The following NCOA1 variants were observed in gnomAD, a reference collection of about 807,000 sequenced individuals.
NCOA1 encodes the protein nuclear receptor coactivator 1, also known as Hin-2 protein.
NCOA1 carries 35 observed loss-of-function variants against 150.9 expected under a neutral mutation model. That is an observed-to-expected ratio of 0.23 (90% CI 0.18 to 0.31). The LOEUF (loss-of-function observed/expected upper bound fraction) is 0.31. Among genes scored for constraint, NCOA1 ranks in the 10% least tolerant of loss-of-function variants. The probability of loss-of-function intolerance (pLI) is 1.00; values close to 1 mark genes in which losing one functional copy is unlikely to be tolerated. For synonymous variants in NCOA1, 590 were observed against 630.0 expected (o/e 0.94, Z 0.95); for missense variants, 1,491 against 1,749.3 (o/e 0.85, Z 2.63).
chr2:24,582,361 A>G (rs1030452520), intron 2 of NCOA1, among the ~76,000 whole-genome samples: 34 of 152,282 alleles, frequency 2.2e-4, no homozygotes, highest in African/African-American at 7.5e-4. Context: ...TACAATAACC[A>G]CAAAAAAACC....
intron 14 of NCOA1, among the ~76,000 whole-genome samples, chr2:24,718,968 G>A (rs561891367): frequency 2.9e-5 from 4 of 136,410 alleles, no homozygotes; most frequent in South Asian, 2.4e-4. Context: ...GGTGGAGGTT[G>A]CAGTTAGCCG....
At chr2:24,715,142 C>G (rs775579638) in intron 14 of NCOA1, among the ~76,000 whole-genome samples, 1 of 152,038 alleles carries the variant, frequency 6.6e-6, no homozygotes, top group African/African-American at 2.4e-5. Context: ...TTGTCACCAG[C>G]AGATTACACT....
At chr2:24,734,959 A>T (rs1376592300) in intron 17 of NCOA1, among the ~76,000 whole-genome samples, 1 of 152,220 alleles carries the variant, frequency 6.6e-6, no homozygotes, top group Non-Finnish European at 1.5e-5. Context: ...TAAGAGACAG[A>T]GGTGACAATG....
At chr2:24,681,754 G>T (rs1490708836) in intron 7 of NCOA1, among the ~76,000 whole-genome samples, 1 of 146,830 alleles carries the variant, frequency 6.8e-6, no homozygotes, top group Non-Finnish European at 1.5e-5. Context: ...TTGCTCTGTC[G>T]CCCAGGCTGG....
At chr2:24,690,657 A>AAAG (rs1029657730) in intron 8 of NCOA1, among the ~76,000 whole-genome samples, 4 of 144,024 alleles carry the variant, frequency 2.8e-5, no homozygotes, top group African/African-American at 1.0e-4. Flanking sequence ...ATCTCAAAAA[A>AAAG]AAAAAAAAAA....
At chr2:24,661,342 A>G (rs562168849) in intron 5 of NCOA1, among the ~76,000 whole-genome samples, 1 of 152,176 alleles carries the variant, frequency 6.6e-6, no homozygotes, top group African/African-American at 2.4e-5. Flanking sequence ...TCTTTTGCCC[A>G]TGTTCCTGCT....
chr2:24,571,319 G>A (rs1372699731), intron 2 of NCOA1, among the ~76,000 whole-genome samples: 1 of 152,148 alleles, frequency 6.6e-6, no homozygotes, highest in African/African-American at 2.4e-5. Flanking sequence ...TGTATATTTA[G>A]CAACCTGCTC....
chr2:24,523,403 G>A (rs1029698525), intron 1 of NCOA1, among the ~76,000 whole-genome samples: 6 of 151,362 alleles, frequency 4.0e-5, no homozygotes, highest in Admixed American at 3.9e-4. Context: ...TCAGGAGATC[G>A]AGACCATCCT....
chr2:24,555,193 A>T (rs1023641932), intron 1 of NCOA1, among the ~76,000 whole-genome samples: 73 of 152,164 alleles, frequency 4.8e-4, no homozygotes, highest in African/African-American at 1.8e-3. Flanking sequence ...AGTATTTTCT[A>T]ATTTTCCTTA....
chr2:24,524,337 C>G (rs1486837176), intron 1 of NCOA1, among the ~76,000 whole-genome samples: 1 of 152,120 alleles, frequency 6.6e-6, no homozygotes, highest in Non-Finnish European at 1.5e-5. Flanking sequence ...ACTCTGTCGC[C>G]CAGGCTGGTG....
At chr2:24,506,933 A>G (rs1243723434) in intron 1 of NCOA1, among the ~76,000 whole-genome samples, 1 of 152,234 alleles carries the variant, frequency 6.6e-6, no homozygotes, top group Non-Finnish European at 1.5e-5. Flanking sequence ...GTGTAATGCA[A>G]TAAACATTTA....
rs1047675174 is a variant in NCOA1, at chr2:24,639,317, T to C, written c.-174-4649T>C. ...AAAATTAATTTTTTGAGATTTTTCA[T>C]GTTATCTCAGTTACTGAATTGATTT... On this transcript the variant is annotated intron_variant, in intron 3 of 22. Coordinates refer to ENST00000348332, the MANE Select transcript of NCOA1 (RefSeq NM_003743.5). 2.6e-5 allele frequency among the ~76,000 whole-genome samples: 4 copies of C among 152,108 alleles called. No individual in the cohort carries two copies. The South Asian group carries it at 6.2e-4, about 24-fold the overall frequency.
At chr2:24,705,512 A>G (rs776124176) in intron 12 of NCOA1, among the ~76,000 whole-genome samples, 1 of 152,174 alleles carries the variant, frequency 6.6e-6, no homozygotes, top group East Asian at 1.9e-4. Context: ...AACATTCCAT[A>G]TGTGAATCTT....
intron 3 of NCOA1, among the ~76,000 whole-genome samples, chr2:24,619,265 T>G (rs56324573): frequency 0.012 from 1,861 of 152,304 alleles, 23 homozygotes; most frequent in Non-Finnish European, 0.02. Context: ...GACTTAAAAT[T>G]AAATGGTGAA....
At chr2:24,621,832 AT>A (rs1669181934) in intron 3 of NCOA1, among the ~76,000 whole-genome samples, 1 of 152,098 alleles carries the variant, frequency 6.6e-6, no homozygotes, top group Admixed American at 6.6e-5. Flanking sequence ...TGTAGGTCTA[AT>A]TTGTACCTAA....
intron 1 of NCOA1, 34 bp from the exon 2 acceptor site, chr2:24,564,261 A>G (rs41281509): frequency 2.6e-5 from 4 of 152,324 alleles, no homozygotes; most frequent in East Asian, 1.9e-4. Context: ...AATGTTTTCA[A>G]TGGCCCAATT....
intron 17 of NCOA1, among the ~76,000 whole-genome samples, chr2:24,736,609 A>G (rs1663318436): frequency 6.6e-6 from 1 of 152,262 alleles, no homozygotes; most frequent in Non-Finnish European, 1.5e-5. Context: ...AATGCCCAAT[A>G]GGACAATAAG....
intron 1 of NCOA1, among the ~76,000 whole-genome samples, chr2:24,503,462 A>C (rs1663552212): frequency 6.6e-6 from 1 of 152,212 alleles, no homozygotes; most frequent in South Asian, 2.1e-4. Context: ...TCTTCACAAT[A>C]AAATACAAAT....
At chr2:24,581,707 A>G (rs1171750084) in intron 2 of NCOA1, among the ~76,000 whole-genome samples, 3 of 152,196 alleles carry the variant, frequency 2.0e-5, no homozygotes. Flanking sequence ...ACAGATGCAA[A>G]AATCCTCAAT....
Sources: gnomAD v4.1 joint callset for allele counts (sites outside exome capture counted in the v4.1 genomes callset) on GRCh38, gnomAD v4.1.1 for gene constraint, MANE v1.5 for transcripts, NCBI Gene and HGNC (gene_info 2026-07-23, HGNC 2026-07-21) for gene names.